The following RALGDS variants were observed in gnomAD, a reference collection of about 807,000 sequenced individuals.
The protein encoded by RALGDS is ral guanine nucleotide dissociation stimulator, also known as ral guanine nucleotide exchange factor.
RALGDS carries 44 observed loss-of-function variants against 99.8 expected under a neutral mutation model. That is an observed-to-expected ratio of 0.44 (90% CI 0.35 to 0.57). The LOEUF is 0.57. Ranked by LOEUF, RALGDS falls within the 20% of genes least tolerant of loss-of-function variation. The pLI, the probability that RALGDS is intolerant of heterozygous loss-of-function variation, is 0.01. For missense variants in RALGDS, 1,022 were observed against 1,203.1 expected (o/e 0.85, Z 2.23); for synonymous variants, 529 against 505.0 (o/e 1.05, Z -0.64).
chr9:133,102,616 C>CG, intron 13 of RALGDS, 45 bp from the exon 14 acceptor site: 1 of 1,607,164 alleles, frequency 6.2e-7, no homozygotes, highest in Non-Finnish European at 8.5e-7. Context: ...GGCCATGCTC[C>CG]GGCCTTCCCC....
At chr9:133,103,114 G>A in intron 12 of RALGDS, 116 bp downstream of exon 12, 1 of 1,450,056 alleles carries the variant, frequency 6.9e-7, no homozygotes, top group Non-Finnish European at 9.6e-7. Flanking sequence ...CCTTCTCTCT[G>A]TGTCCAAATG....
chr9:133,103,273 G>T lies in RALGDS; in HGVS notation c.1759-11C>A. On this transcript the variant is annotated splice_polypyrimidine_tract_variant and intron_variant, in intron 11 of 17. Coordinates refer to ENST00000372050, the MANE Select transcript of RALGDS (RefSeq NM_006266.4). ...GTTGATGAGTCTGCCCTGGAAGGTG[G>T]ACACCCAATGGCCGTCAGAAAGTGA... The T allele has an allele frequency of 1.9e-6, 3 of 1,613,930 alleles. No individual in the cohort carries two copies. Among genetic ancestry groups the T allele is most frequent in the Non-Finnish European group, 2.5e-6 (3 of 1,180,008 alleles).
At chr9:133,107,836 G>A (rs1831148742) in intron 6 of RALGDS, 152 bp downstream of exon 6, 2 of 947,174 alleles carry the variant, frequency 2.1e-6, no homozygotes, top group African/African-American at 1.6e-5. Context: ...CTGAGGACTT[G>A]GGGTTAAGGA....
At chr9:133,098,851 T>TGGCTCAAGACAGTC in intron 17 of RALGDS, 89 bp from the exon 18 acceptor site, 1 of 1,368,282 alleles carries the variant, frequency 7.3e-7, no homozygotes, top group Non-Finnish European at 1.0e-6. Flanking sequence ...ACAAGGACTG[T>TGGCTCAAGACAGTC]CTTGAGCCAC....
rs562649251 is a variant in RALGDS, at chr9:133,107,206, C to T, written c.1292G>A (p.Arg431His). ...ACTGTTGAACTGGGTGACAGTGGCGCGGATGGTGGGCGCCAGGTGCTCCTT... is the reference window on the plus strand; with the variant it reads ...ACTGTTGAACTGGGTGACAGTGGCGTGGATGGTGGGCGCCAGGTGCTCCTT... Reference protein sequence around the residue: ...KGKEHLAPTIRATVTQFNSVA... With the variant: ...KGKEHLAPTIHATVTQFNSVA... The change falls in exon 7 of 18, where the codon CGC becomes CAC. Residue 431 changes from arginine to histidine, a missense_variant. Transcript: ENST00000372050. 8.1e-6 allele frequency: 13 copies of T among 1,613,742 alleles called. No individual in the cohort carries two copies. The highest frequency in any genetic ancestry group is 2.2e-5 in the East Asian group (1 of 44,872).
chr9:133,124,694 C>T (rs1003615347), upstream of RALGDS, among the ~76,000 whole-genome samples: 1 of 152,228 alleles, frequency 6.6e-6, no homozygotes, highest in Non-Finnish European at 1.5e-5. Flanking sequence ...TCGGGCGGGC[C>T]TGACTCTGCC....
chr9:133,124,449 A>T (rs1003320603), upstream of RALGDS, among the ~76,000 whole-genome samples: 4 of 152,162 alleles, frequency 2.6e-5, no homozygotes, highest in Non-Finnish European at 4.4e-5. Context: ...AGGGAGGCAG[A>T]GGCAGGATTT....
intron 1 of RALGDS, among the ~76,000 whole-genome samples, chr9:133,128,142 T>TCACGGCCACCCCCGAGGGGC (rs1328744491): frequency 1.3e-5 from 2 of 151,684 alleles, no homozygotes; most frequent in Non-Finnish European, 2.9e-5. Flanking sequence ...CTGTGAGGAG[T>TCACGGCCACCCCCGAGGGGC]CACTGCCACC....
At chr9:133,125,398 C>T (rs1249503378), upstream of RALGDS, among the ~76,000 whole-genome samples, 1 of 152,120 alleles carries the variant, frequency 6.6e-6, no homozygotes, top group Non-Finnish European at 1.5e-5. Context: ...GCCATTTTCT[C>T]TATTTTTGTG....
intron 1 of RALGDS, among the ~76,000 whole-genome samples, chr9:133,129,810 CTT>C (rs35514711): frequency 8.3e-4 from 108 of 129,636 alleles, no homozygotes; most frequent in Non-Finnish European, 8.6e-4. Context: ...TTCCTTTCTT[CTT>C]TTTTTTTTTT....
upstream of RALGDS, among the ~76,000 whole-genome samples, chr9:133,125,502 G>C (rs1380419460): frequency 6.6e-6 from 1 of 152,218 alleles, no homozygotes; most frequent in African/African-American, 2.4e-5. Context: ...GGGAGGTTGA[G>C]CTGGGTGGAT....
chr9:133,134,792 C>T (rs1832398658), upstream of RALGDS, among the ~76,000 whole-genome samples: 2 of 152,168 alleles, frequency 1.3e-5, no homozygotes, highest in South Asian at 4.1e-4. Flanking sequence ...TTCTACTACG[C>T]ACTGCCATGC....
upstream of RALGDS, among the ~76,000 whole-genome samples, chr9:133,131,483 C>T (rs1165634826): frequency 1.3e-5 from 2 of 152,098 alleles, no homozygotes; most frequent in Non-Finnish European, 2.9e-5. Context: ...ACTCCAGCTG[C>T]CAGTGTCCTC....
At position 133,130,620 on chromosome 9, in the gene RALGDS, G is replaced by T. The variant is rs149770303; in HGVS notation, c.132+332C>A. Among the ~76,000 whole-genome samples, 660 of 152,238 alleles carry T rather than the reference G, an allele frequency of 4.3e-3. 4 individuals are homozygous for T. Among genetic ancestry groups the T allele is most frequent in the African/African-American group, 0.015 (625 of 41,514 alleles). ...GGCTTTTAGAATAATTTACTAGAGT[G>T]ACTACTGGAGTTGTAAACAACCACC... On this transcript the variant is annotated intron_variant, in intron 1 of 17. Transcript: ENST00000372062.
intron 1 of RALGDS, among the ~76,000 whole-genome samples, chr9:133,145,535 G>A (rs1832609828): frequency 1.3e-5 from 2 of 152,252 alleles, no homozygotes; most frequent in South Asian, 4.1e-4. Flanking sequence ...AGCAGTGCTG[G>A]GGGTTAAGGA....
chr9:133,100,446 G>C, intron 16 of RALGDS, 64 bp from the exon 17 acceptor site: 1 of 1,609,622 alleles, frequency 6.2e-7, no homozygotes, highest in South Asian at 1.1e-5. Flanking sequence ...CCAGAGTGCA[G>C]TGGCCAAGGA....
chr9:133,111,546 G>A (rs948992153), intron 2 of RALGDS, among the ~76,000 whole-genome samples: 3 of 152,218 alleles, frequency 2.0e-5, no homozygotes, highest in African/African-American at 7.2e-5. Flanking sequence ...CTCCCAAAAT[G>A]CTGGGATTAC....
At chr9:133,149,070 G>A in exon 1 of RALGDS, 1 of 1,021,012 alleles carries the variant, frequency 9.8e-7, no homozygotes. Flanking sequence ...GCGCAGGGGT[G>A]CGCCCGGCTG....
chr9:133,113,344 C>T (rs988039157), intron 1 of RALGDS, among the ~76,000 whole-genome samples: 3 of 152,172 alleles, frequency 2.0e-5, no homozygotes, highest in African/African-American at 7.2e-5. Flanking sequence ...TGGACGGGAC[C>T]CTGGCCTCCT....
Sources: gnomAD v4.1 joint callset for allele counts (sites outside exome capture counted in the v4.1 genomes callset) on GRCh38, gnomAD v4.1.1 for gene constraint, MANE v1.5 for transcripts, NCBI Gene and HGNC (gene_info 2026-07-23, HGNC 2026-07-21) for gene names.